MYO16: variants seen among roughly 807,000 people sequenced by gnomAD.
MYO16 encodes the protein unconventional myosin-XVI.
In MYO16, 94 loss-of-function variants were observed where a neutral mutation model predicts 205.3. That is an observed-to-expected ratio of 0.46 (90% CI 0.39 to 0.54). The LOEUF (loss-of-function observed/expected upper bound fraction) is 0.54. MYO16 is among the 20% of genes least tolerant of loss of function. The probability of loss-of-function intolerance (pLI) is 0.00; values close to 1 mark genes in which losing one functional copy is unlikely to be tolerated. For synonymous variants in MYO16, 988 were observed against 954.0 expected, an observed-to-expected ratio of 1.04 and a Z score of -0.66; for missense variants, 2,315 against 2,387.5, an observed-to-expected ratio of 0.97 and a Z score of 0.63.
At chr13:109,048,197 G>A (rs199913634) in intron 24 of MYO16, 18,385 of 369,708 alleles carry the variant, frequency 0.05, 510 homozygotes, top group Non-Finnish European at 0.061. Flanking sequence ...GTGTGTGTGT[G>A]TGTGTATTTA....
chr13:109,069,495 A>G (rs1887858698), intron 27 of MYO16, among the ~76,000 whole-genome samples: 1 of 152,054 alleles, frequency 6.6e-6, no homozygotes, highest in Admixed American at 6.6e-5. Flanking sequence ...CTTAAAAAAC[A>G]TTCATTTTTT....
intron 20 of MYO16, among the ~76,000 whole-genome samples, chr13:108,980,074 A>G (rs1884401239): frequency 6.6e-6 from 1 of 152,114 alleles, no homozygotes; most frequent in South Asian, 2.1e-4. Context: ...GGAGAGGAAA[A>G]TAGATTTATC....
the MYO16 span, among the ~76,000 whole-genome samples, chr13:108,536,831 T>G: frequency 6.6e-6 from 1 of 152,108 alleles, no homozygotes; most frequent in Non-Finnish European, 1.5e-5. Flanking sequence ...GTAAGAAATA[T>G]TTAAAATCTA....
intron 23 of MYO16, among the ~76,000 whole-genome samples, chr13:109,023,109 A>T (rs1412057124): frequency 1.5e-5 from 2 of 132,294 alleles, no homozygotes; most frequent in African/African-American, 2.8e-5. Flanking sequence ...TATATATTGT[A>T]TATACATATA....
At chr13:109,083,920 T>A (rs767500654) in intron 27 of MYO16, among the ~76,000 whole-genome samples, 196 of 152,206 alleles carry the variant, frequency 1.3e-3, no homozygotes, top group Non-Finnish European at 1.9e-3. Context: ...GTAATATAGA[T>A]CTGTGGTCGT....
the MYO16 span, among the ~76,000 whole-genome samples, chr13:108,504,214 G>A: frequency 1.8e-4 from 27 of 151,504 alleles, no homozygotes; most frequent in Non-Finnish European, 3.1e-4. Flanking sequence ...CTTCGCCTCC[G>A]GGGTTTAAGT....
chr13:108,684,381 C>T (rs1882589057), intron 2 of MYO16, among the ~76,000 whole-genome samples: 1 of 152,154 alleles, frequency 6.6e-6, no homozygotes, highest in Non-Finnish European at 1.5e-5. Flanking sequence ...TACAAGAGAT[C>T]TGTGAGGGCA....
In MYO16 at chr13:109,164,415, C is replaced by T. The variant is rs769049954; in HGVS notation, c.5165-486C>T. ...AGTAATTATCTTAGTGTGCAGAATG[C>T]GGAAGTCGAGTATTGAAGTTCAGTA... On this transcript the variant is annotated intron_variant, in intron 32 of 34. Coordinates refer to ENST00000457511, the MANE Select transcript of MYO16 (RefSeq NM_001198950.3). Among the ~76,000 whole-genome samples, 5 of 152,218 alleles carry T rather than the reference C, an allele frequency of 3.3e-5. No homozygotes were observed. In the South Asian group the frequency reaches 6.2e-4, roughly 19 times the overall value.
the MYO16 span, among the ~76,000 whole-genome samples, chr13:108,573,220 G>A: frequency 6.6e-6 from 1 of 152,180 alleles, no homozygotes; most frequent in Non-Finnish European, 1.5e-5. Flanking sequence ...ACAAGTGGGA[G>A]GGATGGTTGT....
At chr13:108,651,574 A>T (rs895725237) in intron 1 of MYO16, among the ~76,000 whole-genome samples, 20 of 152,326 alleles carry the variant, frequency 1.3e-4, no homozygotes, top group African/African-American at 4.6e-4. Flanking sequence ...CATTTTAAAG[A>T]GAAAATACTT....
At chr13:109,185,675 G>A (rs552079813) in intron 34 of MYO16, among the ~76,000 whole-genome samples, 1 of 152,206 alleles carries the variant, frequency 6.6e-6, no homozygotes, top group South Asian at 2.1e-4. Context: ...TTAACATTTT[G>A]CATTATTTAC....
At chr13:109,007,159 C>T (rs139930576) in intron 21 of MYO16, among the ~76,000 whole-genome samples, 125 of 152,136 alleles carry the variant, frequency 8.2e-4, no homozygotes, top group East Asian at 3.5e-3. Flanking sequence ...GAGGCCAAGG[C>T]GGGTGGATCA....
chr13:109,077,547 C>T (rs756211929), intron 27 of MYO16, among the ~76,000 whole-genome samples: 4 of 152,190 alleles, frequency 2.6e-5, no homozygotes, highest in Non-Finnish European at 5.9e-5. Context: ...TGTACACTCT[C>T]ACGTCATTTG....
rs1414748167 is a variant in MYO16 at position 109,126,224 on chromosome 13, G to GA, written c.3782+873dup. Among the ~76,000 whole-genome samples the GA allele has an allele frequency of 3.3e-5, 5 of 151,872 alleles. No homozygotes were observed. The South Asian group carries it at 8.3e-4, about 25-fold the overall frequency. ...TCAAATATCTCAGTGATTAAATACT[G>GA]AAAAAAATCCCCTTTGTACAGAAAA... On this transcript the variant is annotated intron_variant, in intron 30 of 34. Transcript: ENST00000457511.
chr13:108,592,236 T>A (rs1416998776), upstream of MYO16, among the ~76,000 whole-genome samples: 1 of 66,564 alleles, frequency 1.5e-5, no homozygotes, highest in Admixed American at 1.8e-4. Flanking sequence ...GGGAGCTGTG[T>A]GTGTGGGAGT....
chr13:109,168,382 A>C (rs1349394970), intron 33 of MYO16, among the ~76,000 whole-genome samples: 1 of 152,216 alleles, frequency 6.6e-6, no homozygotes, highest in Admixed American at 6.5e-5. Context: ...ACAATGTGCA[A>C]ATATTAAAAA....
intron 19 of MYO16, among the ~76,000 whole-genome samples, chr13:108,964,053 C>T (rs182334266): frequency 1.4e-3 from 217 of 152,326 alleles, no homozygotes; most frequent in African/African-American, 4.9e-3. Flanking sequence ...ACGTGGACCC[C>T]GCCCTGTTCC....
Position 108,671,669 on chromosome 13 carries a change from C to T in MYO16, c.292+5520C>T, listed in dbSNP as rs550187655. Among the ~76,000 whole-genome samples, 251 of 152,272 alleles carry T rather than the reference C, an allele frequency of 1.6e-3. 3 individuals are homozygous for T. Among genetic ancestry groups the T allele is most frequent in the African/African-American group, 5.7e-3 (237 of 41,556 alleles). On this transcript the variant is annotated intron_variant, in intron 2 of 34. Transcript: ENST00000457511. ...GAGGGTGTCTGTTCAGCTCAGTCTG[C>T]TATATCAAAATATCACAGACTAAAC...
intron 16 of MYO16, among the ~76,000 whole-genome samples, chr13:108,924,978 C>T (rs951431281): frequency 1.3e-5 from 2 of 152,116 alleles, no homozygotes; most frequent in African/African-American, 4.8e-5. Context: ...TAGGAAAGGG[C>T]CGTACTTGTC....
Sources: gnomAD v4.1 joint callset for allele counts (sites outside exome capture counted in the v4.1 genomes callset) on GRCh38, gnomAD v4.1.1 for gene constraint, MANE v1.5 for transcripts, NCBI Gene and HGNC (gene_info 2026-07-23, HGNC 2026-07-21) for gene names.